TEKT1: variants seen among roughly 807,000 people sequenced by gnomAD.
TEKT1 encodes the protein tektin-1.
TEKT1 carries 32 observed loss-of-function variants against 34.8 expected under a neutral mutation model. The ratio of observed to expected loss-of-function variants is 0.92; its 90% CI spans 0.69 to 1.23. TEKT1 has a LOEUF of 1.23. TEKT1 is among the 50% of genes most tolerant of loss of function. The probability of loss-of-function intolerance (pLI) is 0.00; values close to 1 mark genes in which losing one functional copy is unlikely to be tolerated. For synonymous variants in TEKT1, 207 were observed against 199.8 expected, an observed-to-expected ratio of 1.04 and a Z score of -0.30; for missense variants, 492 against 518.5, an observed-to-expected ratio of 0.95 and a Z score of 0.50.
intron 5 of TEKT1, 63 bp downstream of exon 5, chr17:6,815,100 G>C: frequency 6.4e-7 from 1 of 1,555,864 alleles, no homozygotes; most frequent in Non-Finnish European, 8.7e-7. Flanking sequence ...CGAGCCGCTA[G>C]GTCTTGCCTA....
chr17:6,807,367 A>G (rs1187113567), intron 6 of TEKT1, among the ~76,000 whole-genome samples: 9 of 151,890 alleles, frequency 5.9e-5, no homozygotes, highest in Middle Eastern at 3.4e-3. Context: ...TTAGCCATTC[A>G]TCTAATTTTT....
chr17:6,800,718 G>A, intron 7 of TEKT1, 29 bp downstream of exon 7: 1 of 1,592,386 alleles, frequency 6.3e-7, no homozygotes, highest in Non-Finnish European at 8.6e-7. Context: ...GAGACCCGAA[G>A]GCCCTCTGCC....
intron 2 of TEKT1, among the ~76,000 whole-genome samples, chr17:6,823,570 G>T (rs186957087): frequency 6.6e-6 from 1 of 152,202 alleles, no homozygotes; most frequent in African/African-American, 2.4e-5. Context: ...ATTCTAAAAG[G>T]AAGAGAAGAC....
chr17:6,815,160 C>T lies in TEKT1; in HGVS notation c.629+3G>A. 6.2e-7 allele frequency: 1 copy of T among 1,608,496 alleles called. No individual in the cohort carries two copies. Among genetic ancestry groups the T allele is most frequent in the Non-Finnish European group, 8.5e-7 (1 of 1,176,966 alleles). On this transcript the variant is annotated splice_donor_region_variant and intron_variant, in intron 5 of 7. Coordinates refer to ENST00000338694, the MANE Select transcript of TEKT1 (RefSeq NM_053285.2). ...GAGGAGGAAGACGGCAAGGCCCACTCACTTTGGCTCAATCCTCACGGCGTT... is the reference window on the plus strand; with the variant it reads ...GAGGAGGAAGACGGCAAGGCCCACTTACTTTGGCTCAATCCTCACGGCGTT...
intron 6 of TEKT1, among the ~76,000 whole-genome samples, chr17:6,812,316 G>C (rs1428827808): frequency 1.3e-5 from 2 of 152,052 alleles, no homozygotes; most frequent in Non-Finnish European, 2.9e-5. Context: ...GTGTGAAAGT[G>C]ACTAAAACAC....
At chr17:6,828,521 GA>G (rs1278885388) in intron 2 of TEKT1, among the ~76,000 whole-genome samples, 1 of 152,114 alleles carries the variant, frequency 6.6e-6, no homozygotes, top group Non-Finnish European at 1.5e-5. Context: ...AGATTTTCTT[GA>G]AAAAATCGGA....
At chr17:6,818,877 A>G (rs1160432028) in intron 3 of TEKT1, among the ~76,000 whole-genome samples, 12 of 152,188 alleles carry the variant, frequency 7.9e-5, no homozygotes, top group Admixed American at 7.9e-4. Flanking sequence ...GACTATCTCT[A>G]GACTCTTTGA....
rs769734798 is a variant in TEKT1, at chr17:6,819,182, T to C, written c.356+11A>G. 5 of 1,608,590 alleles carry C rather than the reference T, an allele frequency of 3.1e-6. No homozygotes were observed. In the African/African-American group the frequency reaches 6.7e-5, roughly 22 times the overall value. On this transcript the variant is annotated intron_variant, in intron 3 of 7. Transcript: ENST00000338694. ...CAACACATGAATCATTTGAGGGACC[T>C]TCGCTCCTACCTGTATGCCAGGCAT...
At position 6,830,291 on chromosome 17, in the gene TEKT1, G is replaced by A; in HGVS notation, c.86C>T (p.Ala29Val). The change falls in exon 2 of 8, where the codon GCT (alanine) becomes GTT (valine). Residue 29 changes from alanine (A) to valine (V), a missense_variant. Physicochemically the swap from Ala to Val is moderately conservative, Grantham distance 64. Transcript: ENST00000338694. The stretch of plus-strand genomic sequence containing the variant: ...CAGGCGTTCTGATCGGGACCTTTGA[G>A]CGTCTGCTCTGTGGTACTGGTTCTT... ...ANKNQYHRAD[A>V]QRSRSERLVA... 1.9e-6 allele frequency: 3 copies of A among 1,613,546 alleles called. No individual in the cohort carries two copies. Among genetic ancestry groups the A allele is most frequent in the Non-Finnish European group, 1.7e-6 (2 of 1,179,940 alleles).
chr17:6,808,964 C>G (rs184014306), intron 6 of TEKT1, among the ~76,000 whole-genome samples: 49 of 152,218 alleles, frequency 3.2e-4, no homozygotes, highest in African/African-American at 1.1e-3. Flanking sequence ...TGTTTTTGTA[C>G]AGACTGTGAA....
chr17:6,812,245 G>A (rs1976938067), intron 6 of TEKT1, among the ~76,000 whole-genome samples: 1 of 152,122 alleles, frequency 6.6e-6, no homozygotes, highest in Non-Finnish European at 1.5e-5. Context: ...ATGTGGAACT[G>A]TAAGTCAATT....
At chr17:6,816,047 A>G in intron 3 of TEKT1, 85 bp from the exon 4 acceptor site, 3 of 1,551,678 alleles carry the variant, frequency 1.9e-6, no homozygotes, top group South Asian at 1.2e-5. Context: ...ACTCAGAACT[A>G]TCTGCACGAC....
Position 6,819,199 on chromosome 17 carries a change from G to A in TEKT1, c.350C>T (p.Ala117Val). Reference protein sequence around the residue: ...EPLHITETCLAYREKRIGIDL... With the variant: ...EPLHITETCLVYREKRIGIDL... ...GAGGGACCTTCGCTCCTACCTGTAT[G>A]CCAGGCATGTCTCAGTGATGTGCAA... Residue 117 changes from alanine (A) to valine (V), a missense_variant, in exon 3 of 8, where the codon GCA becomes GTA. By Grantham distance (64) the Ala-to-Val change is moderately conservative. Transcript: ENST00000338694. 4 of 1,611,956 alleles carry A rather than the reference G, an allele frequency of 2.5e-6. No individual in the cohort carries two copies. Among genetic ancestry groups the A allele is most frequent in the Non-Finnish European group, 3.4e-6 (4 of 1,179,224 alleles).
At position 6,815,457 on chromosome 17, in the gene TEKT1, T is replaced by TACCATTTG. The variant is rs1817443951; in HGVS notation, c.486-159_486-152dup. ...CCCATCACCCCAACACTCATGCGTATACCATTTGATGCCCGGTGACAAATC... is the reference window on the plus strand; with the variant it reads ...CCCATCACCCCAACACTCATGCGTATACCATTTGACCATTTGATGCCCGGTGACAAATC... On this transcript the variant is annotated intron_variant, in intron 4 of 7. Transcript: ENST00000338694. 4.6e-6 allele frequency: 4 copies of TACCATTTG among 874,790 alleles called. No individual in the cohort carries two copies. In the South Asian group the frequency reaches 6.1e-5, roughly 13 times the overall value. 54.2% of individuals were successfully genotyped at this position (874,790 alleles called of 1,614,324 possible).
At chr17:6,824,828 T>C (rs951239827) in intron 2 of TEKT1, among the ~76,000 whole-genome samples, 2 of 152,214 alleles carry the variant, frequency 1.3e-5, no homozygotes, top group South Asian at 2.1e-4. Context: ...TGAAGGACAA[T>C]GATGAGTTCA....
chr17:6,813,551 GACAC>G (rs34316443), intron 5 of TEKT1, among the ~76,000 whole-genome samples: 33,349 of 134,962 alleles, frequency 0.25, 4,255 homozygotes, highest in East Asian at 0.42. Flanking sequence ...GAAGAAACCA[GACAC>G]ACACACACAC....
At position 6,805,431 on chromosome 17, in the gene TEKT1, A is replaced by AT. The variant is rs937301578; in HGVS notation, c.853-4489dup. On this transcript the variant is annotated intron_variant, in intron 6 of 7. Coordinates refer to ENST00000338694, the MANE Select transcript of TEKT1 (RefSeq NM_053285.2). ...AAAAAACCAGCTCCTGGATTCATTG[A>AT]TTTTTTTTGAAGGGTTTTTTGTGTC... Among the ~76,000 whole-genome samples the AT allele has an allele frequency of 5.3e-5, 8 of 151,668 alleles. No individual in the cohort carries two copies. The South Asian group carries it at 1.0e-3, about 20-fold the overall frequency.
At chr17:6,827,803 A>G (rs1471586483) in intron 2 of TEKT1, among the ~76,000 whole-genome samples, 1 of 152,158 alleles carries the variant, frequency 6.6e-6, no homozygotes, top group African/African-American at 2.4e-5. Context: ...ACACTTGCAC[A>G]TCTTTTGCTA....
At chr17:6,823,764 T>G (rs1211628089) in intron 2 of TEKT1, among the ~76,000 whole-genome samples, 1 of 151,918 alleles carries the variant, frequency 6.6e-6, no homozygotes, top group Non-Finnish European at 1.5e-5. Flanking sequence ...TCTTAGACAT[T>G]TAGACAACCA....
Sources: gnomAD v4.1 joint callset for allele counts (sites outside exome capture counted in the v4.1 genomes callset) on GRCh38, gnomAD v4.1.1 for gene constraint, MANE v1.5 for transcripts, NCBI Gene and HGNC (gene_info 2026-07-23, HGNC 2026-07-21) for gene names.